Variants in KCNIP1 observed in about 807,000 individuals in gnomAD.
KCNIP1 encodes potassium voltage-gated channel interacting protein 1, also known as A-type potassium channel modulatory protein KCNIP1.
In KCNIP1, 18 loss-of-function variants were observed where a neutral mutation model predicts 33.0. The ratio of observed to expected loss-of-function variants is 0.55; its 90% CI spans 0.38 to 0.81. The LOEUF (loss-of-function observed/expected upper bound fraction) is 0.81, where lower values mean the gene tolerates loss of function less well. Ranked by LOEUF, KCNIP1 falls within the 30% of genes least tolerant of loss-of-function variation. The pLI is 0.00. For missense variants in KCNIP1, 238 were observed against 271.6 expected (o/e 0.88, Z 0.87); for synonymous variants, 93 against 98.3 (o/e 0.95, Z 0.32).
chr5:170,458,068 A>G (rs1356471189), intron 1 of KCNIP1, among the ~76,000 whole-genome samples: 1 of 152,218 alleles, frequency 6.6e-6, no homozygotes, highest in African/African-American at 2.4e-5. Flanking sequence ...AACTCTCAGC[A>G]ATAGAATTGA....
At chr5:170,712,508 C>T (rs763519171) in intron 1 of KCNIP1, among the ~76,000 whole-genome samples, 2 of 152,242 alleles carry the variant, frequency 1.3e-5, no homozygotes, top group Admixed American at 1.3e-4. Flanking sequence ...TTATAAGCCT[C>T]TCCTCAGTCA....
intron 1 of KCNIP1, among the ~76,000 whole-genome samples, chr5:170,584,075 A>G (rs1011787793): frequency 3.3e-5 from 5 of 152,194 alleles, no homozygotes; most frequent in African/African-American, 1.2e-4. Context: ...AAGATGGAAT[A>G]TGGGTTGTGC....
chr5:170,484,249 G>A (rs1757036189), intron 1 of KCNIP1: 1 of 152,280 alleles, frequency 6.6e-6, no homozygotes, highest in Non-Finnish European at 1.5e-5. Flanking sequence ...CATTCTGCCT[G>A]GGATCCCAGA....
intron 1 of KCNIP1, among the ~76,000 whole-genome samples, chr5:170,690,826 C>T (rs1020477720): frequency 7.2e-5 from 11 of 152,230 alleles, no homozygotes; most frequent in Non-Finnish European, 1.5e-4. Context: ...AGGAAAACTA[C>T]ACTCTCCCAA....
At chr5:170,478,036 G>A (rs1176935288) in intron 1 of KCNIP1, among the ~76,000 whole-genome samples, 1 of 152,142 alleles carries the variant, frequency 6.6e-6, no homozygotes. Context: ...CCTCATTGAA[G>A]GATCTCAGAA....
chr5:170,361,352 A>G (rs1272858438), intron 1 of KCNIP1, among the ~76,000 whole-genome samples: 1 of 152,220 alleles, frequency 6.6e-6, no homozygotes, highest in South Asian at 2.1e-4. Context: ...GTCATTTACT[A>G]TCACCACTGA....
rs572509131 is a variant in KCNIP1, at chr5:170,489,145, G to A, written c.88+135181G>A. 3.9e-5 allele frequency among the ~76,000 whole-genome samples: 6 copies of A among 152,298 alleles called. No individual in the cohort carries two copies. Among genetic ancestry groups the A allele is most frequent in the African/African-American group, 9.6e-5 (4 of 41,562 alleles). On this transcript the variant is annotated intron_variant, in intron 1 of 7. Transcript: ENST00000377360. This position sits in a 1 kb window ranked among gnomAD's most constrained non-coding sequence, Gnocchi z 4.3. ...GCGGGGAGGCTGACCCAATGGCCCC[G>A]GAATGGTGATGGAGCAGCCTGGGAG... is the stretch of plus-strand genomic sequence containing the variant.
At chr5:170,367,408 A>G (rs1763710265) in intron 1 of KCNIP1, among the ~76,000 whole-genome samples, 1 of 116,724 alleles carries the variant, frequency 8.6e-6, no homozygotes, top group African/African-American at 3.3e-5. Context: ...AAAGAAAGAA[A>G]GAAAGAAAGA....
chr5:170,696,400 C>G (rs959302117), intron 1 of KCNIP1, among the ~76,000 whole-genome samples: 12 of 152,164 alleles, frequency 7.9e-5, no homozygotes, highest in African/African-American at 2.4e-4. Flanking sequence ...GCCATACTCT[C>G]AAAGGACCCA....
intron 1 of KCNIP1, among the ~76,000 whole-genome samples, chr5:170,676,923 T>A (rs879541111): frequency 3.3e-5 from 5 of 152,190 alleles, no homozygotes; most frequent in Admixed American, 6.5e-5. Context: ...AACATTTGCC[T>A]GGAAGAAAGA....
chr5:170,425,912 T>C (rs1379983279), intron 1 of KCNIP1, among the ~76,000 whole-genome samples: 1 of 152,186 alleles, frequency 6.6e-6, no homozygotes, highest in African/African-American at 2.4e-5. Context: ...GTGGCAGCCA[T>C]GGGGACAGCT....
intron 1 of KCNIP1, chr5:170,354,015 G>A: frequency 6.6e-7 from 1 of 1,521,434 alleles, no homozygotes; most frequent in Non-Finnish European, 9.1e-7. Flanking sequence ...TGGCCTGGCT[G>A]GTCGCATTGC....
intron 1 of KCNIP1, among the ~76,000 whole-genome samples, chr5:170,585,861 A>G (rs889171357): frequency 6.6e-6 from 1 of 152,174 alleles, no homozygotes; most frequent in Non-Finnish European, 1.5e-5. Context: ...GCCGTGCTTT[A>G]GAGCACTCTG....
chr5:170,394,377 A>G lies in KCNIP1; in HGVS notation c.88+40413A>G, dbSNP rs1343116164. On this transcript the variant is annotated intron_variant, in intron 1 of 7. Transcript: ENST00000377360. ...ACCCAAGGGTAAGCTCTCTAAAATC[A>G]GGGACTGGAACCGTTCTTATTCACT... Among the ~76,000 whole-genome samples the G allele has an allele frequency of 3.3e-5, 5 of 152,288 alleles. No homozygotes were observed. In the South Asian group the frequency reaches 8.3e-4, roughly 25 times the overall value.
chr5:170,697,750 A>G (rs1581514538), intron 1 of KCNIP1, among the ~76,000 whole-genome samples: 1 of 152,236 alleles, frequency 6.6e-6, no homozygotes, highest in Middle Eastern at 3.4e-3. Context: ...TGCAAGATGA[A>G]TGTTTGCAGA....
chr5:170,727,745 TG>T lies in KCNIP1; in HGVS notation c.435+4927del, dbSNP rs1427598007. ...TGAGCCCAGGAGTTCAAGACCAGCC[TG>T]GTCAACATAGGGAGAGCCTGTCTCT... On this transcript the variant is annotated intron_variant, in intron 5 of 7. Coordinates refer to ENST00000328939, the MANE Select transcript of KCNIP1 (RefSeq NM_014592.4). Among the ~76,000 whole-genome samples the T allele has an allele frequency of 3.3e-4, 51 of 152,284 alleles. 1 individual carries two copies. Among genetic ancestry groups the T allele is most frequent in the African/African-American group, 1.1e-3 (47 of 41,552 alleles).
intron 1 of KCNIP1, among the ~76,000 whole-genome samples, chr5:170,381,800 G>A (rs1764251852): frequency 6.6e-6 from 1 of 152,236 alleles, no homozygotes; most frequent in Non-Finnish European, 1.5e-5. Context: ...AATGTTACCA[G>A]TTATTGAAAA....
intron 1 of KCNIP1, among the ~76,000 whole-genome samples, chr5:170,668,335 G>A (rs889258412): frequency 1.4e-4 from 21 of 152,162 alleles, no homozygotes; most frequent in African/African-American, 4.6e-4. Flanking sequence ...CTCCTAAAAT[G>A]TTCTCCACTG....
chr5:170,376,408 C>T (rs555186650), intron 1 of KCNIP1: 1 of 151,884 alleles, frequency 6.6e-6, no homozygotes, highest in Non-Finnish European at 1.5e-5. Flanking sequence ...CGTGATCTGC[C>T]CACCTCGGCC....
Sources: allele counts gnomAD v4.1 joint callset (sites outside exome capture counted in the v4.1 genomes callset), GRCh38; gene constraint gnomAD v4.1.1; non-coding constraint Gnocchi (gnomAD v3.1); transcripts MANE v1.5; gene names NCBI Gene and HGNC (gene_info 2026-07-23, HGNC 2026-07-21).